Variants in TANGO6 observed in about 807,000 individuals in gnomAD.
TANGO6 encodes transport and golgi organization 6 homolog, also known as transport and Golgi organization protein 6 homolog.
A neutral mutation model predicts 114.2 loss-of-function variants in TANGO6; 90 were observed. The ratio of observed to expected loss-of-function variants is 0.79; its 90% confidence interval spans 0.66 to 0.94. The LOEUF (loss-of-function observed/expected upper bound fraction) is 0.94, where lower values mean the gene tolerates loss of function less well. TANGO6 is among the 40% of genes least tolerant of loss of function. The pLI is 0.00. For synonymous variants in TANGO6, 477 were observed against 509.8 expected (o/e 0.94, Z 0.87); for missense variants, 1,274 against 1,315.3 (o/e 0.97, Z 0.49).
At position 68,982,357 on chromosome 16, in the gene TANGO6, A is replaced by G. The variant is rs1963844454; in HGVS notation, c.2842+8189A>G. Among the ~76,000 whole-genome samples, 3 of 151,976 alleles carry G rather than the reference A, an allele frequency of 2.0e-5. No individual in the cohort carries two copies. The South Asian group carries it at 6.2e-4, about 32-fold the overall frequency. On this transcript the variant is annotated intron_variant, in intron 15 of 17. Coordinates refer to ENST00000261778, the MANE Select transcript of TANGO6 (RefSeq NM_024562.2). Reference sequence around the variant, plus strand: ...AGCCTATCTCATACCTTTTTTTTAGACAGAGTCTCACTTTGTCGCCCAGGC... The same window carrying G: ...AGCCTATCTCATACCTTTTTTTTAGGCAGAGTCTCACTTTGTCGCCCAGGC...
At chr16:68,930,111 C>A in intron 13 of TANGO6, 127 bp from the exon 14 acceptor site, 1 of 731,682 alleles carries the variant, frequency 1.4e-6, no homozygotes, top group African/African-American at 1.8e-5. Context: ...AAAACTCTGT[C>A]AGACCAGTTT....
chr16:69,040,478 C>T, intron 17 of TANGO6, 57 bp downstream of exon 17: 1 of 1,427,912 alleles, frequency 7.0e-7, no homozygotes, highest in Non-Finnish European at 9.7e-7. Flanking sequence ...GTCTATTTCT[C>T]AATCTTCCTT....
chr16:69,060,860 C>T (rs926147483), intron 17 of TANGO6, among the ~76,000 whole-genome samples: 3 of 151,452 alleles, frequency 2.0e-5, no homozygotes, highest in South Asian at 2.1e-4. Context: ...GGCGTGGTGG[C>T]GCACGCCTGT....
At chr16:68,983,029 T>A (rs992718569) in intron 15 of TANGO6, among the ~76,000 whole-genome samples, 2 of 152,156 alleles carry the variant, frequency 1.3e-5, no homozygotes, top group Non-Finnish European at 1.5e-5. Context: ...TCTTTTTTTT[T>A]ATTTTGATTT....
rs564849830 is a variant in TANGO6 at position 68,988,570 on chromosome 16, C to T, written c.2842+14402C>T. On this transcript the variant is annotated intron_variant, in intron 15 of 17. Coordinates refer to ENST00000261778, the MANE Select transcript of TANGO6 (RefSeq NM_024562.2). ...TAAGAAATTTTTGTTTACCCATTTTCTCCCATTTTTTCTTCTAGAATGTTA... is the reference window on the plus strand; with the variant it reads ...TAAGAAATTTTTGTTTACCCATTTTTTCCCATTTTTTCTTCTAGAATGTTA... Among the ~76,000 whole-genome samples, 5 of 150,522 alleles carry T rather than the reference C, an allele frequency of 3.3e-5. No homozygotes were observed. In the South Asian group the frequency reaches 1.1e-3, roughly 32 times the overall value.
intron 16 of TANGO6, chr16:69,034,271 C>G (rs1228507693): frequency 6.5e-6 from 1 of 153,668 alleles, no homozygotes; most frequent in Non-Finnish European, 1.5e-5. Context: ...CATCTCGACT[C>G]CTGTGCCCAA....
chr16:68,876,322 C>T (rs572038354), intron 5 of TANGO6, among the ~76,000 whole-genome samples: 10 of 151,868 alleles, frequency 6.6e-5, no homozygotes, highest in South Asian at 2.1e-4. Context: ...CCACCACACC[C>T]GGCTAATTTT....
intron 14 of TANGO6, among the ~76,000 whole-genome samples, chr16:68,966,808 G>T (rs1597040050): frequency 7.2e-6 from 1 of 139,798 alleles, no homozygotes; most frequent in Non-Finnish European, 1.5e-5. Flanking sequence ...GTCTCGCTCT[G>T]TCACTCAGGC....
At chr16:68,913,992 G>A (rs556102129) in intron 11 of TANGO6, among the ~76,000 whole-genome samples, 1 of 152,196 alleles carries the variant, frequency 6.6e-6, no homozygotes, top group Admixed American at 6.5e-5. Flanking sequence ...TGAAAAATAG[G>A]AGGTATAAAT....
chr16:68,882,023 T>G (rs953904231), intron 7 of TANGO6, among the ~76,000 whole-genome samples: 1 of 151,866 alleles, frequency 6.6e-6, no homozygotes, highest in African/African-American at 2.4e-5. Context: ...TTTAATAAAT[T>G]TATAATAATT....
At chr16:68,912,874 G>A (rs971803441) in intron 11 of TANGO6, among the ~76,000 whole-genome samples, 1 of 146,214 alleles carries the variant, frequency 6.8e-6, no homozygotes, top group South Asian at 2.2e-4. Flanking sequence ...CCAGGTGTTC[G>A]AGACCAGCCT....
intron 14 of TANGO6, among the ~76,000 whole-genome samples, chr16:68,967,754 C>T (rs16958513): frequency 0.021 from 3,177 of 152,144 alleles, 118 homozygotes; most frequent in African/African-American, 0.073. Flanking sequence ...TTGTTATCTG[C>T]CCAGGAGAAA....
chr16:68,866,886 G>A (rs1378255035), intron 3 of TANGO6, among the ~76,000 whole-genome samples, 193 bp from the exon 4 acceptor site: 4 of 151,780 alleles, frequency 2.6e-5, no homozygotes, highest in African/African-American at 9.7e-5. Flanking sequence ...GCAGTGAGCC[G>A]AGATTTTGCC....
chr16:68,892,466 A>T (rs543218565), intron 7 of TANGO6, among the ~76,000 whole-genome samples: 1 of 149,836 alleles, frequency 6.7e-6, no homozygotes, highest in East Asian at 2.0e-4. Context: ...CTCTTGCTAC[A>T]TGTTTGTATT....
At chr16:69,061,558 CAAAA>C (rs1357249189) in intron 17 of TANGO6, among the ~76,000 whole-genome samples, 1 of 150,142 alleles carries the variant, frequency 6.7e-6, no homozygotes, top group Non-Finnish European at 1.5e-5. Context: ...GTCTCAAAAA[CAAAA>C]AAGTCATCTT....
chr16:68,929,544 A>G (rs1017035464), intron 13 of TANGO6, among the ~76,000 whole-genome samples: 3 of 152,204 alleles, frequency 2.0e-5, no homozygotes, highest in Non-Finnish European at 4.4e-5. Context: ...TACTGTGCCA[A>G]CGAAGAACAC....
At chr16:68,993,628 A>G (rs1963964838) in intron 15 of TANGO6, among the ~76,000 whole-genome samples, 1 of 152,240 alleles carries the variant, frequency 6.6e-6, no homozygotes, top group Admixed American at 6.5e-5. Context: ...TATAGTCTCA[A>G]TCCACAGGCT....
intron 6 of TANGO6, among the ~76,000 whole-genome samples, chr16:68,880,051 C>T (rs1962432573): frequency 6.6e-6 from 1 of 152,104 alleles, no homozygotes; most frequent in South Asian, 2.1e-4. Flanking sequence ...CGGCTCACTG[C>T]AACCTCCGCC....
At chr16:69,012,556 CAA>C (rs1175561720) in intron 15 of TANGO6, among the ~76,000 whole-genome samples, 184 of 36,468 alleles carry the variant, frequency 5.0e-3, no homozygotes, top group African/African-American at 0.015. Flanking sequence ...AACTCTGTCT[CAA>C]AAAAAAAAAA....
Sources: gnomAD v4.1 joint callset for allele counts (sites outside exome capture counted in the v4.1 genomes callset) on GRCh38, gnomAD v4.1.1 for gene constraint, MANE v1.5 for transcripts, NCBI Gene and HGNC (gene_info 2026-07-23, HGNC 2026-07-21) for gene names.